Variants in ADGRL2 observed in about 807,000 individuals in gnomAD.
ADGRL2 encodes adhesion G protein-coupled receptor L2, also known as calcium-independent alpha-latrotoxin receptor 2.
A neutral mutation model predicts 157.4 loss-of-function variants in ADGRL2; 44 were observed. The observed-to-expected ratio is 0.28, with a 90% CI of 0.22 to 0.36. The LOEUF (loss-of-function observed/expected upper bound fraction) is 0.36, where lower values mean the gene tolerates loss of function less well. Among genes scored for constraint, ADGRL2 ranks in the 10% least tolerant of loss-of-function variants. The pLI is 1.00. For synonymous variants in ADGRL2, 585 were observed against 624.7 expected (o/e 0.94, Z 0.95); for missense variants, 1,510 against 1,768.9 (o/e 0.85, Z 2.63).
intron 14 of ADGRL2, among the ~76,000 whole-genome samples, 190 bp from the exon 15 acceptor site, chr1:81,968,988 A>C (rs1657941094): frequency 6.6e-6 from 1 of 152,230 alleles, no homozygotes; most frequent in Non-Finnish European, 1.5e-5. Flanking sequence ...TTAAGTATAA[A>C]AGACAATAAT....
intron 2 of ADGRL2, among the ~76,000 whole-genome samples, chr1:81,484,392 A>G (rs550696692): frequency 1.1e-3 from 164 of 152,244 alleles, no homozygotes; most frequent in South Asian, 3.3e-3. Context: ...ACCCTTGTAG[A>G]CATCTGAACT....
intron 2 of ADGRL2, among the ~76,000 whole-genome samples, chr1:81,846,774 G>A (rs568656871): frequency 2.0e-5 from 3 of 152,050 alleles, no homozygotes; most frequent in African/African-American, 7.2e-5. Context: ...TTTGGTTAGA[G>A]ACAATATAGT....
intron 1 of ADGRL2, among the ~76,000 whole-genome samples, chr1:81,364,443 T>A (rs2076029344): frequency 6.6e-6 from 1 of 152,116 alleles, no homozygotes; most frequent in Non-Finnish European, 1.5e-5. Context: ...ACAATTCAAT[T>A]GGGTAGGTAC....
chr1:81,873,526 A>C (rs1197764788), intron 2 of ADGRL2, among the ~76,000 whole-genome samples: 4 of 152,154 alleles, frequency 2.6e-5, no homozygotes, highest in African/African-American at 9.6e-5. Flanking sequence ...TAAGAATTAC[A>C]GAAAATGGAG....
Position 81,746,315 on chromosome 1 carries a change from G to T in ADGRL2, c.-142-15496G>T, listed in dbSNP as rs570333979. Among the ~76,000 whole-genome samples, 14 of 152,084 alleles carry T rather than the reference G, an allele frequency of 9.2e-5. No homozygotes were observed. The East Asian group carries it at 2.7e-3, about 29-fold the overall frequency. On this transcript the variant is annotated intron_variant, in intron 1 of 20. Transcript: ENST00000359929. ...ATTTTTAAAAATTTTTTGAGACAGG[G>T]TCTTGCTCTGTCGCCCAGGCTTGAG...
rs190059714 is a variant in ADGRL2, at chr1:81,736,338, G to A, written c.-142-25473G>A. Among the ~76,000 whole-genome samples, 13 of 152,254 alleles carry A rather than the reference G, an allele frequency of 8.5e-5. No individual in the cohort carries two copies. In the East Asian group the frequency reaches 2.5e-3, roughly 30 times the overall value. ...AGGCAGTTATAGAGAAGCACAAGAA[G>A]TAAGTAGAAGAGGTATCTCCCCTTG... On this transcript the variant is annotated intron_variant, in intron 1 of 20. Coordinates refer to the ADGRL2 transcript ENST00000359929.
In ADGRL2 at chr1:81,747,202, T is replaced by C. The variant is rs1488753940; in HGVS notation, c.-142-14609T>C. Among the ~76,000 whole-genome samples, 8 of 112,552 alleles carry C rather than the reference T, an allele frequency of 7.1e-5. No individual in the cohort carries two copies. In the South Asian group the frequency reaches 1.9e-3, roughly 26 times the overall value. The allele number at this position is 112,552 out of a possible 152,430, so 73.8% of individuals were successfully genotyped here. On this transcript the variant is annotated intron_variant, in intron 1 of 20. Coordinates refer to the ADGRL2 transcript ENST00000359929. ...ATATATGTATGTGTGTATGCATGTATATATATGTATGTGTGTATATATGTA... is the reference window on the plus strand; with the variant it reads ...ATATATGTATGTGTGTATGCATGTACATATATGTATGTGTGTATATATGTA...
intron 4 of ADGRL2, among the ~76,000 whole-genome samples, chr1:81,940,969 T>A (rs1480047685): frequency 6.7e-6 from 1 of 148,946 alleles, no homozygotes; most frequent in Non-Finnish European, 1.5e-5. Flanking sequence ...ACTCTACTAA[T>A]CAGGTTTGTT....
chr1:81,770,404 G>T (rs12128599), intron 2 of ADGRL2, among the ~76,000 whole-genome samples: 44,959 of 151,310 alleles, frequency 0.3, 7,564 homozygotes, highest in East Asian at 0.77. Flanking sequence ...CCTGTAATTC[G>T]CCCGCCTTGG....
chr1:81,483,201 C>T (rs974625029), intron 2 of ADGRL2, among the ~76,000 whole-genome samples: 2 of 152,106 alleles, frequency 1.3e-5, no homozygotes, highest in African/African-American at 4.8e-5. Context: ...TGTTTTATAG[C>T]TTCTCATGGA....
chr1:81,788,780 A>G (rs1202562556), intron 2 of ADGRL2, among the ~76,000 whole-genome samples: 1 of 151,980 alleles, frequency 6.6e-6, no homozygotes, highest in Non-Finnish European at 1.5e-5. Context: ...CAGTGGCACG[A>G]TATGGGCTCA....
intron 2 of ADGRL2, among the ~76,000 whole-genome samples, chr1:81,449,899 G>A (rs2077674219): frequency 6.6e-6 from 1 of 152,118 alleles, no homozygotes; most frequent in East Asian, 1.9e-4. Flanking sequence ...CTCAGTTATG[G>A]CTTTTAAGAC....
chr1:81,959,840 G>T (rs1435533441), intron 11 of ADGRL2, among the ~76,000 whole-genome samples: 2 of 150,978 alleles, frequency 1.3e-5, no homozygotes, highest in African/African-American at 4.9e-5. Flanking sequence ...CACTCTTGTT[G>T]CCCAGGCTGG....
chr1:81,619,387 C>G (rs538244385), intron 3 of ADGRL2, among the ~76,000 whole-genome samples: 1 of 152,068 alleles, frequency 6.6e-6, no homozygotes, highest in Non-Finnish European at 1.5e-5. Flanking sequence ...CAACCTACAG[C>G]AATTTGCACT....
chr1:81,990,582 C>T lies in ADGRL2; in HGVS notation c.3847C>T (p.Arg1283Trp), dbSNP rs748402076. Residue 1283 changes from arginine (R) to tryptophan (W), a missense_variant, in exon 24 of 24, where the codon CGG becomes TGG. Transcript: ENST00000686636. ...IISELVHNNL[R>W]GSSKTHNLEL... ...TTCAGAATTAGTGCACAACAACTTACGGGGCAGCAGCAAGACTCACAACCT... is the reference window on the plus strand; with the variant it reads ...TTCAGAATTAGTGCACAACAACTTATGGGGCAGCAGCAAGACTCACAACCT... 27 of 1,614,086 alleles carry T rather than the reference C, an allele frequency of 1.7e-5. No individual in the cohort carries two copies. Among genetic ancestry groups the T allele is most frequent in the South Asian group, 2.2e-5 (2 of 91,090 alleles).
intron 2 of ADGRL2, among the ~76,000 whole-genome samples, chr1:81,448,137 CTTTTTTTTTTTTT>C (rs1168945231): frequency 1.7e-4 from 14 of 83,504 alleles, no homozygotes; most frequent in Non-Finnish European, 2.3e-4. Flanking sequence ...TTCTTTCTTT[CTTTTTTTTTTTTT>C]TTTTTTTTTT....
chr1:81,425,474 GA>G lies in ADGRL2; in HGVS notation c.-301-19556del, dbSNP rs1335124775. Among the ~76,000 whole-genome samples, 7 of 152,232 alleles carry G rather than the reference GA, an allele frequency of 4.6e-5. No homozygotes were observed. The East Asian group carries it at 7.7e-4, about 17-fold the overall frequency. On this transcript the variant is annotated intron_variant, in intron 1 of 24. Transcript: ENST00000370721. ...TGGGCTTATACTCTACTTTTCAGGG[GA>G]AAAAATATGTACCAAAATGAACCCC...
intron 1 of ADGRL2, among the ~76,000 whole-genome samples, chr1:81,428,545 C>A (rs997644748): frequency 3.9e-5 from 6 of 152,008 alleles, no homozygotes; most frequent in African/African-American, 1.2e-4. Flanking sequence ...AAACAAGGGT[C>A]AGATGGTTGA....
chr1:81,653,393 C>A lies in ADGRL2; in HGVS notation c.-143+72413C>A, dbSNP rs140274894. Among the ~76,000 whole-genome samples, 836 of 148,920 alleles carry A rather than the reference C, an allele frequency of 5.6e-3. 3 individuals carry two copies. Among genetic ancestry groups the A allele is most frequent in the Non-Finnish European group, 9.9e-3 (668 of 67,576 alleles). On this transcript the variant is annotated intron_variant, in intron 3 of 24. Transcript: ENST00000370721. ...ACATAGAGACCTTTGTGCATACAAG[C>A]AAGAGTTTTGCAGGACAATGACATC...
Sources: allele counts gnomAD v4.1 joint callset (sites outside exome capture counted in the v4.1 genomes callset), GRCh38; gene constraint gnomAD v4.1.1; transcripts MANE v1.5; gene names NCBI Gene and HGNC (gene_info 2026-07-23, HGNC 2026-07-21).